PTPRT: variants seen among roughly 807,000 people sequenced by gnomAD.
The protein encoded by PTPRT is receptor-type tyrosine-protein phosphatase T.
PTPRT carries 56 observed loss-of-function variants against 176.8 expected under a neutral mutation model. The observed-to-expected ratio is 0.32, with a 90% CI of 0.26 to 0.40. PTPRT has a LOEUF of 0.40. Among genes scored for constraint, PTPRT ranks in the 10% least tolerant of loss-of-function variants. PTPRT has a pLI of 1.00. For missense variants in PTPRT, 1,540 were observed against 1,908.2 expected (o/e 0.81, Z 3.60); for synonymous variants, 783 against 739.0 (o/e 1.06, Z -0.96).
chr20:42,800,932 G>T (rs750005860), intron 2 of PTPRT, among the ~76,000 whole-genome samples: 1 of 152,050 alleles, frequency 6.6e-6, no homozygotes. Flanking sequence ...CCCTTACCAC[G>T]ACTGGGTCTG....
chr20:42,570,893 T>C (rs528973944), intron 7 of PTPRT, among the ~76,000 whole-genome samples: 5 of 150,904 alleles, frequency 3.3e-5, no homozygotes, highest in African/African-American at 1.2e-4. Flanking sequence ...TTTTTTGCAG[T>C]GTAAGGCAAC....
In PTPRT at chr20:42,562,553, T is replaced by C. The variant is rs182279037; in HGVS notation, c.1154-89991A>G. On this transcript the variant is annotated intron_variant, in intron 7 of 30. Coordinates refer to ENST00000373187, the MANE Select transcript of PTPRT (RefSeq NM_007050.6). ...ATTTGGAGACTATTACAAATAAAGC[T>C]ATTACCAACATTCTTATGTGGGAAT... is the stretch of plus-strand genomic sequence containing the variant. Among the ~76,000 whole-genome samples the C allele has an allele frequency of 3.9e-5, 6 of 152,378 alleles. No individual in the cohort carries two copies. The East Asian group carries it at 9.6e-4, about 24-fold the overall frequency.
At chr20:42,473,391 G>T (rs1442624451) in intron 7 of PTPRT, among the ~76,000 whole-genome samples, 2 of 152,058 alleles carry the variant, frequency 1.3e-5, no homozygotes, top group South Asian at 2.1e-4. Context: ...ATATAAAACA[G>T]GTTATAATAA....
chr20:42,391,708 C>T (rs3091536), intron 9 of PTPRT, among the ~76,000 whole-genome samples: 85,798 of 152,042 alleles, frequency 0.56, 25,504 homozygotes, highest in African/African-American at 0.75. Flanking sequence ...TGGTGAAAGA[C>T]AAGATGTTTT....
chr20:42,248,462 G>T (rs2146913188), intron 14 of PTPRT, among the ~76,000 whole-genome samples: 1 of 152,214 alleles, frequency 6.6e-6, no homozygotes, highest in South Asian at 2.1e-4. Context: ...GGGATCACTG[G>T]CCCATAAGAA....
At chr20:42,109,353 G>T (rs914564287) in intron 23 of PTPRT, among the ~76,000 whole-genome samples, 2 of 152,178 alleles carry the variant, frequency 1.3e-5, no homozygotes, top group Admixed American at 1.3e-4. Flanking sequence ...CAGCTGGCCA[G>T]CCTTCAGGTC....
intron 1 of PTPRT, among the ~76,000 whole-genome samples, chr20:43,071,378 G>T (rs1471980843): frequency 1.3e-5 from 2 of 152,202 alleles, no homozygotes; most frequent in African/African-American, 4.8e-5. Flanking sequence ...CTCTCCAGGT[G>T]CTTCTCATGG....
chr20:42,129,591 C>T (rs947944096), intron 18 of PTPRT, among the ~76,000 whole-genome samples: 10 of 152,182 alleles, frequency 6.6e-5, no homozygotes, highest in African/African-American at 2.2e-4. Context: ...AACATTGGTT[C>T]GGTCTGGTTG....
rs35599788 is a variant in PTPRT at position 42,767,977 on chromosome 20, T to TACACACACAC, written c.684+3448_684+3457dup. Reference sequence around the variant, plus strand: ...TTATATATGAAAATATATAAAATTATACACACACACACACACACACACACA... The same window carrying TACACACACAC: ...TTATATATGAAAATATATAAAATTATACACACACACACACACACACACACACACACACACA... On this transcript the variant is annotated intron_variant, in intron 5 of 30. Transcript: ENST00000373187. Among the ~76,000 whole-genome samples the TACACACACAC allele has an allele frequency of 1.4e-4, 18 of 125,250 alleles. No homozygotes were observed. In the East Asian group the frequency reaches 1.9e-3, roughly 13 times the overall value. The allele number at this position is 125,250 out of a possible 152,430, so 82.2% of individuals were successfully genotyped here.
At chr20:42,634,157 G>T (rs2074543609) in intron 7 of PTPRT, among the ~76,000 whole-genome samples, 2 of 105,752 alleles carry the variant, frequency 1.9e-5, no homozygotes, top group African/African-American at 3.6e-5. Flanking sequence ...TATATATATG[G>T]TTTGATGGGT....
At chr20:42,479,473 T>A (rs537715916) in intron 7 of PTPRT, among the ~76,000 whole-genome samples, 1 of 152,320 alleles carries the variant, frequency 6.6e-6, no homozygotes, top group East Asian at 1.9e-4. Context: ...GATGTGACCA[T>A]TAATTTGCAC....
intron 7 of PTPRT, among the ~76,000 whole-genome samples, chr20:42,667,564 C>T (rs181174169): frequency 6.6e-6 from 1 of 152,142 alleles, no homozygotes; most frequent in South Asian, 2.1e-4. Flanking sequence ...TTGATAAACA[C>T]TGTTAGCTTT....
chr20:42,583,901 C>T (rs1021041270), intron 7 of PTPRT, among the ~76,000 whole-genome samples: 2 of 152,028 alleles, frequency 1.3e-5, no homozygotes, highest in African/African-American at 4.8e-5. Context: ...CTAAATGTGG[C>T]TGCTAAGTTT....
rs1568774159 is a variant in PTPRT at position 43,083,349 on chromosome 20, T to TAC, written c.88+106296_88+106297insGT. 8.5e-4 allele frequency among the ~76,000 whole-genome samples: 100 copies of TAC among 117,372 alleles called. 3 individuals are homozygous for TAC. The highest frequency in any genetic ancestry group is 3.2e-3 in the African/African-American group (91 of 28,772). The allele number at this position is 117,372 out of a possible 152,430, so 77.0% of individuals were successfully genotyped here. On this transcript the variant is annotated intron_variant, in intron 1 of 30. Coordinates refer to ENST00000373187, the MANE Select transcript of PTPRT (RefSeq NM_007050.6). ...ATATATATATATATATATATATATA[T>TAC]ATATATATATATATATATATACATT...
At chr20:42,898,497 C>T (rs1191555915) in intron 1 of PTPRT, among the ~76,000 whole-genome samples, 5 of 152,194 alleles carry the variant, frequency 3.3e-5, no homozygotes, top group African/African-American at 4.8e-5. Flanking sequence ...CACTGTCCCC[C>T]ACCTTCTAAG....
intron 7 of PTPRT, among the ~76,000 whole-genome samples, chr20:42,501,575 T>C (rs1053294581): frequency 1.3e-5 from 2 of 152,198 alleles, no homozygotes; most frequent in Non-Finnish European, 2.9e-5. Context: ...TAAAGTTTTA[T>C]TGAAACACAG....
chr20:42,556,995 C>T (rs1034871458), intron 7 of PTPRT, among the ~76,000 whole-genome samples: 7 of 152,086 alleles, frequency 4.6e-5, no homozygotes, highest in Non-Finnish European at 1.0e-4. Flanking sequence ...CTCTCCCCTG[C>T]ACTTTTGCTT....
intron 13 of PTPRT, among the ~76,000 whole-genome samples, chr20:42,256,264 A>G (rs185749935): frequency 2.0e-4 from 31 of 152,306 alleles, no homozygotes; most frequent in Non-Finnish European, 3.8e-4. Context: ...AGAATAGCAG[A>G]TTATTTTTAA....
At chr20:43,085,335 G>T (rs2011574297) in intron 1 of PTPRT, among the ~76,000 whole-genome samples, 1 of 152,024 alleles carries the variant, frequency 6.6e-6, no homozygotes, top group Non-Finnish European at 1.5e-5. Flanking sequence ...TTTGTGTTTG[G>T]CTAGTGATGA....
Sources: gnomAD v4.1 joint callset for allele counts (sites outside exome capture counted in the v4.1 genomes callset) on GRCh38, gnomAD v4.1.1 for gene constraint, MANE v1.5 for transcripts, NCBI Gene and HGNC (gene_info 2026-07-23, HGNC 2026-07-21) for gene names.